CHMP7: variants seen among roughly 807,000 people sequenced by gnomAD.
The protein encoded by CHMP7 is CHMP family, member 7.
In CHMP7, 15 loss-of-function variants were observed where a neutral mutation model predicts 53.7. The ratio of observed to expected loss-of-function variants is 0.28; its 90% CI spans 0.19 to 0.43. The LOEUF (loss-of-function observed/expected upper bound fraction) is 0.43, where lower values mean the gene tolerates loss of function less well. Ranked by LOEUF, CHMP7 falls within the 20% of genes least tolerant of loss-of-function variation. CHMP7 has a pLI of 1.00. For missense variants in CHMP7, 527 were observed against 569.4 expected (o/e 0.93, Z 0.76); for synonymous variants, 261 against 228.0 (o/e 1.14, Z -1.30).
chr8:23,258,372 A>G lies in CHMP7; in HGVS notation c.883A>G (p.Ile295Val). 6.2e-7 allele frequency: 1 copy of G among 1,614,174 alleles called. No individual in the cohort carries two copies. The highest frequency in any genetic ancestry group is 8.5e-7 in the Non-Finnish European group (1 of 1,180,030). ...GGCCAAGCAACGGACAGAGAAGCGC[A>G]TCGAGGCCTTGCATGCCAAGCTGGA... ...LKAKQRTEKR[I>V]EALHAKLDTV... Residue 295 changes from isoleucine to valine, a missense_variant, in exon 7 of 11, where the codon ATC becomes GTC. Transcript: ENST00000397677.
intron 6 of CHMP7, 36 bp downstream of exon 6, chr8:23,258,117 C>T (rs1802211259): frequency 1.9e-6 from 3 of 1,566,468 alleles, no homozygotes; most frequent in Non-Finnish European, 2.6e-6. Context: ...ATAGCAGTGC[C>T]CCAGGCAGGC....
In CHMP7 at chr8:23,256,535, A is replaced by G. The variant is rs768259822; in HGVS notation, c.733A>G (p.Met245Val). Residue 245 changes from methionine (M) to valine (V), a missense_variant, in exon 5 of 11, where the codon ATG becomes GTG. Coordinates refer to ENST00000397677, the MANE Select transcript of CHMP7 (RefSeq NM_152272.5). The part of the protein sequence containing the change: ...NDVDVGVYQL[M>V]QSEQLLSRKV... ...CGTAGATGTTGGGGTGTACCAGCTGATGCAGAGTGAACAGCTTCTCTCACG... is the reference window on the plus strand; with the variant it reads ...CGTAGATGTTGGGGTGTACCAGCTGGTGCAGAGTGAACAGCTTCTCTCACG... 1.1e-5 allele frequency: 17 copies of G among 1,612,734 alleles called. No individual in the cohort carries two copies. The South Asian group carries it at 1.9e-4, about 18-fold the overall frequency.
At chr8:23,253,653 T>A (rs2128858518) in intron 3 of CHMP7, among the ~76,000 whole-genome samples, 1 of 152,322 alleles carries the variant, frequency 6.6e-6, no homozygotes, top group East Asian at 1.9e-4. Context: ...TAAACTAGGC[T>A]TTTCCTCCTG....
chr8:23,261,358 C>G lies in CHMP7; in HGVS notation c.*759C>G, dbSNP rs371958588. ...GAAGAGGCCCAGTCACTACAGGACC[C>G]TGAGATGTCCAGACCCCTTATGCAA... is the stretch of plus-strand genomic sequence containing the variant. On this transcript the variant is annotated 3_prime_UTR_variant, in exon 11 of 11. Transcript: ENST00000397677. 3.9e-5 allele frequency: 6 copies of G among 152,354 alleles called. No individual in the cohort carries two copies. Among genetic ancestry groups the G allele is most frequent in the African/African-American group, 1.4e-4 (6 of 41,428 alleles). 9.4% of individuals were successfully genotyped at this position (152,354 alleles called of 1,614,324 possible).
intron 4 of CHMP7, among the ~76,000 whole-genome samples, chr8:23,256,219 C>T (rs908405510): frequency 6.6e-6 from 1 of 152,176 alleles, no homozygotes; most frequent in African/African-American, 2.4e-5. Flanking sequence ...CTAGGATCTA[C>T]AGTAAGAATG....
At chr8:23,256,403 T>G (rs1802126175) in intron 4 of CHMP7, 57 bp from the exon 5 acceptor site, 5 of 1,318,284 alleles carry the variant, frequency 3.8e-6, no homozygotes, top group Non-Finnish European at 5.5e-6. Flanking sequence ...GCGCTCCTGG[T>G]TGGGAATTTC....
In CHMP7 at chr8:23,260,626, A is replaced by G. The variant is rs1036008976; in HGVS notation, c.*27A>G. ...ACCCTCAAGTGAAGGACCCTCATGT[A>G]AAAGAGAGACCAGGCTTGCTGGGTG... On this transcript the variant is annotated 3_prime_UTR_variant, in exon 11 of 11. Coordinates refer to ENST00000397677, the MANE Select transcript of CHMP7 (RefSeq NM_152272.5). 2.5e-6 allele frequency: 4 copies of G among 1,577,128 alleles called. No homozygotes were observed. In the Admixed American group the frequency reaches 5.0e-5, roughly 20 times the overall value.
At chr8:23,257,949 C>T in intron 5 of CHMP7, 84 bp from the exon 6 acceptor site, 1 of 887,410 alleles carries the variant, frequency 1.1e-6, no homozygotes, top group Non-Finnish European at 1.8e-6. Context: ...ACCACCTTAA[C>T]TGAGTGCTGC....
chr8:23,257,399 A>G (rs1372527872), intron 5 of CHMP7, among the ~76,000 whole-genome samples: 1 of 152,174 alleles, frequency 6.6e-6, no homozygotes, highest in Non-Finnish European at 1.5e-5. Context: ...CCCAGCTGAA[A>G]ACGTGAGTCT....
At chr8:23,250,162 C>T (rs1801863414) in intron 3 of CHMP7, among the ~76,000 whole-genome samples, 1 of 152,186 alleles carries the variant, frequency 6.6e-6, no homozygotes, top group African/African-American at 2.4e-5. Context: ...TGTCCCCTCA[C>T]ACGCTCATTC....
At chr8:23,252,388 G>A (rs1432743632) in intron 3 of CHMP7, 1 of 152,026 alleles carries the variant, frequency 6.6e-6, no homozygotes, top group Non-Finnish European at 1.5e-5. Flanking sequence ...GTTTCACCAT[G>A]TTAGCCAGGA....
Position 23,254,438 on chromosome 8 carries a change from A to C in CHMP7, c.472-809A>C, listed in dbSNP as rs1408082168. On this transcript the variant is annotated intron_variant, in intron 3 of 10. Transcript: ENST00000397677. ...AGACAGAGTTTTGCTCTTGTCGCCC[A>C]GGCTGGAGTGCAGTGGCGCGATCTC... Among the ~76,000 whole-genome samples, 7 of 152,260 alleles carry C rather than the reference A, an allele frequency of 4.6e-5. No homozygotes were observed. The East Asian group carries it at 1.3e-3, about 29-fold the overall frequency.
intron 5 of CHMP7, among the ~76,000 whole-genome samples, chr8:23,257,598 G>A (rs563962681): frequency 6.6e-6 from 1 of 152,304 alleles, no homozygotes; most frequent in East Asian, 1.9e-4. Flanking sequence ...CCCCCTGAAT[G>A]ACTGTACAAG....
intron 3 of CHMP7, among the ~76,000 whole-genome samples, chr8:23,251,566 C>T (rs1389944147): frequency 6.6e-6 from 1 of 152,322 alleles, no homozygotes; most frequent in East Asian, 1.9e-4. Flanking sequence ...GGTAGACAGT[C>T]AATAAATACC....
chr8:23,254,193 T>A (rs1585310839), intron 3 of CHMP7, among the ~76,000 whole-genome samples: 1 of 151,762 alleles, frequency 6.6e-6, no homozygotes, highest in African/African-American at 2.4e-5. Flanking sequence ...AACTTTTTTT[T>A]TTTTTCAAGA....
At chr8:23,259,399 C>T (rs1287221391) in intron 9 of CHMP7, among the ~76,000 whole-genome samples, 6 of 150,796 alleles carry the variant, frequency 4.0e-5, no homozygotes, top group Non-Finnish European at 7.4e-5. Flanking sequence ...CTCACTCTGT[C>T]ACCTAGGCTG....
rs1802353830 is a variant in CHMP7 at position 23,260,745 on chromosome 8, C to T, written c.*146C>T. 4 of 679,034 alleles carry T rather than the reference C, an allele frequency of 5.9e-6. No homozygotes were observed. The South Asian group carries it at 6.9e-5, about 12-fold the overall frequency. 42.1% of individuals were successfully genotyped at this position (679,034 alleles called of 1,614,324 possible). ...TTTATCTGGATGCTACTACTTACTA[C>T]AGGACAGATAGAATTTCTGGAAGCG... On this transcript the variant is annotated 3_prime_UTR_variant, in exon 11 of 11. Coordinates refer to ENST00000397677, the MANE Select transcript of CHMP7 (RefSeq NM_152272.5).
chr8:23,248,158 A>C (rs1461261887), intron 2 of CHMP7: 2 of 456,072 alleles, frequency 4.4e-6, no homozygotes. Flanking sequence ...GTTTTCGTTC[A>C]TGCCTGAAGC....
chr8:23,246,416 A>G lies in CHMP7; in HGVS notation c.-280A>G. 2.1e-6 allele frequency: 1 copy of G among 474,598 alleles called. No individual in the cohort carries two copies. The highest frequency in any genetic ancestry group is 3.8e-6 in the Non-Finnish European group (1 of 265,748). 29.4% of individuals were successfully genotyped at this position (474,598 alleles called of 1,614,324 possible). ...CGTAAGGTGCAGCCACCTGCCGCGC[A>G]GGCGCAAGCCTTTCTTTCGGCACAA... On this transcript the variant is annotated 5_prime_UTR_variant, in exon 2 of 11. Coordinates refer to ENST00000397677, the MANE Select transcript of CHMP7 (RefSeq NM_152272.5).
Sources: allele counts gnomAD v4.1 joint callset (sites outside exome capture counted in the v4.1 genomes callset), GRCh38; gene constraint gnomAD v4.1.1; transcripts MANE v1.5; gene names NCBI Gene and HGNC (gene_info 2026-07-23, HGNC 2026-07-21).